Variants in PDE7B observed in about 807,000 individuals in gnomAD.
The protein encoded by PDE7B is 3',5'-cyclic-AMP phosphodiesterase 7B.
Under a neutral mutation model 56.2 loss-of-function variants are expected in PDE7B, and 29 were observed. The ratio of observed to expected loss-of-function variants is 0.52; its 90% CI spans 0.38 to 0.70. PDE7B has a LOEUF of 0.70. Ranked by LOEUF, PDE7B falls within the 30% of genes least tolerant of loss-of-function variation. PDE7B has a pLI of 0.00. For missense variants in PDE7B, 490 were observed against 565.0 expected, an observed-to-expected ratio of 0.87 and a Z score of 1.35; for synonymous variants, 197 against 196.9, an observed-to-expected ratio of 1.00 and a Z score of 0.00.
chr6:135,917,222 A>G (rs1239009062), intron 1 of PDE7B, among the ~76,000 whole-genome samples: 1 of 152,154 alleles, frequency 6.6e-6, no homozygotes, highest in Non-Finnish European at 1.5e-5. Flanking sequence ...AGTCCTTTGC[A>G]TTTCCATGTG....
At chr6:136,179,778 T>A (rs1308067989) in intron 10 of PDE7B, among the ~76,000 whole-genome samples, 1 of 152,260 alleles carries the variant, frequency 6.6e-6, no homozygotes, top group Non-Finnish European at 1.5e-5. Context: ...TTTTACTACC[T>A]AAACTTCTAT....
At chr6:136,059,382 C>A (rs1583857201) in intron 2 of PDE7B, among the ~76,000 whole-genome samples, 1 of 152,140 alleles carries the variant, frequency 6.6e-6, no homozygotes, top group Non-Finnish European at 1.5e-5. Flanking sequence ...AATCAAATCC[C>A]TGGATGGAGA....
intron 2 of PDE7B, chr6:136,048,934 AT>A (rs1272319892): frequency 6.6e-6 from 1 of 152,212 alleles, no homozygotes; most frequent in African/African-American, 2.4e-5. Context: ...GACACATGGT[AT>A]CATCCTATCA....
At chr6:135,941,658 T>C (rs1774508307) in intron 1 of PDE7B, among the ~76,000 whole-genome samples, 1 of 152,224 alleles carries the variant, frequency 6.6e-6, no homozygotes. Context: ...TTTATTAAAT[T>C]CCTTTCTGCT....
At chr6:136,099,342 A>G (rs1777523359) in intron 2 of PDE7B, among the ~76,000 whole-genome samples, 1 of 152,226 alleles carries the variant, frequency 6.6e-6, no homozygotes, top group Non-Finnish European at 1.5e-5. Flanking sequence ...ATCCTTGAGG[A>G]ATCGCCACAC....
intron 2 of PDE7B, among the ~76,000 whole-genome samples, chr6:135,979,973 A>G (rs1354758668): frequency 6.6e-6 from 1 of 152,126 alleles, no homozygotes; most frequent in Non-Finnish European, 1.5e-5. Flanking sequence ...AAAAGAGCCC[A>G]CATCGCCAAG....
chr6:135,982,297 A>T (rs1583810374), intron 2 of PDE7B, among the ~76,000 whole-genome samples: 1 of 152,338 alleles, frequency 6.6e-6, no homozygotes, highest in East Asian at 1.9e-4. Flanking sequence ...ACTGGAAGTA[A>T]GAACAAGAGC....
intron 7 of PDE7B, among the ~76,000 whole-genome samples, chr6:136,154,587 GCTC>G (rs1267993349): frequency 1.3e-5 from 2 of 152,290 alleles, no homozygotes; most frequent in Admixed American, 6.5e-5. Context: ...TGGAATCAAA[GCTC>G]CTCAAGTCTG....
At chr6:136,013,451 G>A (rs970294396) in intron 2 of PDE7B, among the ~76,000 whole-genome samples, 1 of 152,196 alleles carries the variant, frequency 6.6e-6, no homozygotes, top group South Asian at 2.1e-4. Context: ...ACTAAACTAT[G>A]TGCCAGGCAC....
At chr6:135,934,936 TA>T (rs1460176210) in intron 1 of PDE7B, among the ~76,000 whole-genome samples, 5 of 76,024 alleles carry the variant, frequency 6.6e-5, no homozygotes, top group Non-Finnish European at 1.2e-4. Flanking sequence ...TATATTTAAA[TA>T]TATAATATAT....
At chr6:136,052,047 TAAAA>T (rs79463029) in intron 2 of PDE7B, among the ~76,000 whole-genome samples, 5 of 139,980 alleles carry the variant, frequency 3.6e-5, no homozygotes, top group Admixed American at 7.2e-5. Flanking sequence ...ACATTTAAAG[TAAAA>T]AAAAAAAAGG....
At chr6:135,853,767 G>A (rs184593519) in intron 1 of PDE7B, among the ~76,000 whole-genome samples, 7 of 152,170 alleles carry the variant, frequency 4.6e-5, no homozygotes, top group Admixed American at 3.9e-4. Flanking sequence ...GGGTGGAAAA[G>A]TCTAAGATGT....
rs184243746 is a variant in PDE7B at position 135,891,100 on chromosome 6, A to T, written c.21+39081A>T. Among the ~76,000 whole-genome samples the T allele has an allele frequency of 1.9e-3, 282 of 152,336 alleles. 1 individual carries two copies. Among genetic ancestry groups the T allele is most frequent in the African/African-American group, 6.3e-3 (260 of 41,582 alleles). ...TTTAAAGGGACACATTCTTCAAGTGAGGCTGCATTTACAGGCGCAATAGAT... is the reference window on the plus strand; with the variant it reads ...TTTAAAGGGACACATTCTTCAAGTGTGGCTGCATTTACAGGCGCAATAGAT... On this transcript the variant is annotated intron_variant, in intron 1 of 12. Transcript: ENST00000308191.
chr6:135,878,247 T>C (rs1371997336), intron 1 of PDE7B, among the ~76,000 whole-genome samples: 1 of 152,232 alleles, frequency 6.6e-6, no homozygotes, highest in African/African-American at 2.4e-5. Flanking sequence ...TAATAAATCA[T>C]TTACATTTTT....
chr6:136,092,411 G>T (rs1405163650), intron 2 of PDE7B, among the ~76,000 whole-genome samples: 1 of 152,146 alleles, frequency 6.6e-6, no homozygotes, highest in Admixed American at 6.5e-5. Context: ...CTGGAAAAAG[G>T]CAAAAATTGT....
chr6:136,172,390 G>C (rs967350574), intron 8 of PDE7B, among the ~76,000 whole-genome samples: 3 of 152,230 alleles, frequency 2.0e-5, no homozygotes, highest in Admixed American at 6.5e-5. Flanking sequence ...GATGGCCAGT[G>C]ATGGTGAGCA....
At chr6:135,882,934 C>G (rs907274333) in intron 1 of PDE7B, among the ~76,000 whole-genome samples, 1 of 152,090 alleles carries the variant, frequency 6.6e-6, no homozygotes, top group African/African-American at 2.4e-5. Context: ...ACCATTGGTA[C>G]AAAAGAGAAC....
intron 8 of PDE7B, among the ~76,000 whole-genome samples, chr6:136,157,296 C>T (rs557822638): frequency 2.0e-5 from 3 of 152,228 alleles, no homozygotes; most frequent in Admixed American, 6.5e-5. Flanking sequence ...AGAAAGTGAT[C>T]GAGGCCTGGT....
At chr6:136,134,368 A>G (rs1778172188) in intron 3 of PDE7B, among the ~76,000 whole-genome samples, 1 of 152,116 alleles carries the variant, frequency 6.6e-6, no homozygotes, top group Non-Finnish European at 1.5e-5. Flanking sequence ...TAACCTCTGG[A>G]GACTTAGAAT....
Sources: allele counts gnomAD v4.1 joint callset (sites outside exome capture counted in the v4.1 genomes callset), GRCh38; gene constraint gnomAD v4.1.1; transcripts MANE v1.5; gene names NCBI Gene and HGNC (gene_info 2026-07-23, HGNC 2026-07-21).